ADGRF5: variants seen among roughly 807,000 people sequenced by gnomAD.
ADGRF5 encodes the protein adhesion G protein-coupled receptor F5.
In ADGRF5, 75 loss-of-function variants were observed where a neutral mutation model predicts 132.3. The ratio of observed to expected loss-of-function variants is 0.57; its 90% CI spans 0.47 to 0.69. The LOEUF (loss-of-function observed/expected upper bound fraction) is 0.69. Ranked by LOEUF, ADGRF5 falls within the 30% of genes least tolerant of loss-of-function variation. ADGRF5 has a pLI of 0.00. For missense variants in ADGRF5, 1,516 were observed against 1,630.6 expected (o/e 0.93, Z 1.21); for synonymous variants, 629 against 597.6 (o/e 1.05, Z -0.77).
At chr6:46,894,273 T>C (rs963978366) in intron 3 of ADGRF5, among the ~76,000 whole-genome samples, 11 of 152,248 alleles carry the variant, frequency 7.2e-5, no homozygotes, top group African/African-American at 2.7e-4. Context: ...GTGTGATTGC[T>C]CTGCAGATGC....
intron 1 of ADGRF5, among the ~76,000 whole-genome samples, chr6:46,910,287 T>C (rs1480507972): frequency 6.6e-6 from 1 of 152,196 alleles, no homozygotes; most frequent in African/African-American, 2.4e-5. Context: ...GGTTATTAAT[T>C]GGCTATTAAT....
chr6:46,941,406 G>GAAAAGAAAAGAAAAGAAAAGA (rs1561838614), intron 1 of ADGRF5, among the ~76,000 whole-genome samples: 2 of 28,126 alleles, frequency 7.1e-5, no homozygotes, highest in African/African-American at 3.4e-4. Context: ...GAAAAGAAAA[G>GAAAAGAAAAGAAAAGAAAAGA]AAAAGAAAAG....
chr6:46,929,921 A>AG (rs1321029367), intron 1 of ADGRF5, among the ~76,000 whole-genome samples: 1 of 152,136 alleles, frequency 6.6e-6, no homozygotes, highest in African/African-American at 2.4e-5. Flanking sequence ...CCCGGGATCA[A>AG]GCAATTCTCC....
intron 4 of ADGRF5, among the ~76,000 whole-genome samples, chr6:46,887,787 G>A (rs1342491180): frequency 1.3e-5 from 2 of 152,192 alleles, no homozygotes; most frequent in African/African-American, 4.8e-5. Context: ...TGGAGACATA[G>A]GGAAGTTAGC....
At chr6:46,902,698 G>A (rs527525426) in intron 2 of ADGRF5, among the ~76,000 whole-genome samples, 2 of 152,270 alleles carry the variant, frequency 1.3e-5, no homozygotes, top group South Asian at 2.1e-4. Flanking sequence ...TGCAAGTGCC[G>A]CTTCCACAGC....
chr6:46,941,466 G>A lies in ADGRF5; in HGVS notation c.-25+13268C>T, dbSNP rs369018013. Among the ~76,000 whole-genome samples the A allele has an allele frequency of 2.1e-4, 6 of 28,006 alleles. 1 individual carries two copies. The highest frequency in any genetic ancestry group is 6.2e-4 in the Admixed American group (2 of 3,226). 18.4% of individuals were successfully genotyped at this position (28,006 alleles called of 152,430 possible). On this transcript the variant is annotated intron_variant, in intron 1 of 20. Coordinates refer to the ADGRF5 transcript ENST00000265417. ...GAAAAGAAAAGAAAAGAAAAGAAAA[G>A]AAAGAAAAGAAAAGAAAAGAAAGAA...
Position 46,941,418 on chromosome 6 carries a change from AAAG to A in ADGRF5, c.-25+13313_-25+13315del, listed in dbSNP as rs1195137330. ...AAAGAAAAGAAAAGAAAAGAAAAGA[AAAG>A]AAAAGAAAAGAAAAGAAAAGAAAAG... On this transcript the variant is annotated intron_variant, in intron 1 of 20. Coordinates refer to the ADGRF5 transcript ENST00000265417. 2.0e-3 allele frequency among the ~76,000 whole-genome samples: 95 copies of A among 47,352 alleles called. No homozygotes were observed. The East Asian group carries it at 0.027, about 13-fold the overall frequency. 31.1% of individuals were successfully genotyped at this position (47,352 alleles called of 152,430 possible). A position where few individuals can be genotyped will look rare whatever the true frequency, so the allele number is the denominator to read the frequency against.
At chr6:46,932,392 T>A (rs1777592823) in intron 1 of ADGRF5, among the ~76,000 whole-genome samples, 1 of 152,202 alleles carries the variant, frequency 6.6e-6, no homozygotes. Context: ...GGACAGATTT[T>A]ACCTCTTATC....
intron 1 of ADGRF5, among the ~76,000 whole-genome samples, chr6:46,950,097 G>T (rs990850181): frequency 3.9e-5 from 6 of 152,164 alleles, no homozygotes; most frequent in African/African-American, 1.4e-4. Flanking sequence ...AGCTTTGAGC[G>T]GGAAGGGACC....
chr6:46,903,987 G>A (rs1248512096), intron 2 of ADGRF5, among the ~76,000 whole-genome samples: 2 of 152,274 alleles, frequency 1.3e-5, no homozygotes, highest in African/African-American at 2.4e-5. Flanking sequence ...AGTTTCCAAA[G>A]CTAATGAGAG....
At position 46,865,058 on chromosome 6, in the gene ADGRF5, C is replaced by A; in HGVS notation, c.1974G>T (p.Lys658Asn). 6.2e-7 allele frequency: 1 copy of A among 1,606,168 alleles called. No individual in the cohort carries two copies. Among genetic ancestry groups the A allele is most frequent in the Non-Finnish European group, 8.5e-7 (1 of 1,175,554 alleles). The change falls in exon 14 of 21, where the codon AAG becomes AAT. Residue 658 changes from lysine to asparagine, a missense_variant. Coordinates refer to ENST00000283296, the MANE Select transcript of ADGRF5 (RefSeq NM_001098518.2). ...CGTTCTTACCAGGAACCAGATTCAG[C>A]TTCATAGATGGGCTCCAGACTGAAT... ...ANNSVWSPSM[K>N]LNLVPGENIT...
chr6:46,854,374 A>C (rs1768797867), intron 20 of ADGRF5, among the ~76,000 whole-genome samples: 2 of 152,172 alleles, frequency 1.3e-5, no homozygotes. Context: ...ATGCCATCAC[A>C]TGCATGGTCT....
Position 46,856,918 on chromosome 6 carries a change from A to C in ADGRF5, c.3775-10T>G. 1 of 1,595,276 alleles carries C rather than the reference A, an allele frequency of 6.3e-7. No homozygotes were observed. The highest frequency in any genetic ancestry group is 2.2e-5 in the East Asian group (1 of 44,764). ...GTAAAATGAATAATCCCTGAGAAAA[A>C]AAAGATTGAAAAGAAGTGCATTTTA... On this transcript the variant is annotated splice_polypyrimidine_tract_variant and intron_variant, in intron 17 of 20. Coordinates refer to ENST00000283296, the MANE Select transcript of ADGRF5 (RefSeq NM_001098518.2).
intron 12 of ADGRF5, among the ~76,000 whole-genome samples, chr6:46,868,223 G>A (rs990348983): frequency 6.6e-6 from 1 of 152,210 alleles, no homozygotes; most frequent in Non-Finnish European, 1.5e-5. Context: ...CCACTTGCCA[G>A]ATGTATAACC....
chr6:46,924,446 A>C (rs1177122852), upstream of ADGRF5, among the ~76,000 whole-genome samples: 1 of 152,120 alleles, frequency 6.6e-6, no homozygotes, highest in Non-Finnish European at 1.5e-5. Context: ...TCTGCATTTC[A>C]TTTTCCATTG....
chr6:46,859,211 C>A lies in ADGRF5; in HGVS notation c.2692G>T (p.Val898Phe). The A allele has an allele frequency of 6.2e-7, 1 of 1,614,140 alleles. No individual in the cohort carries two copies. The highest frequency in any genetic ancestry group is 8.5e-7 in the Non-Finnish European group (1 of 1,179,996). The change falls in exon 17 of 21, where the codon GTC (valine) becomes TTC (phenylalanine). Residue 898 changes from valine (V) to phenylalanine (F), a missense_variant. Coordinates refer to ENST00000283296, the MANE Select transcript of ADGRF5 (RefSeq NM_001098518.2). The stretch of plus-strand genomic sequence containing the variant: ...TGGAGAGTTGGGAAAGCCATGGTGA[C>A]AATAGACGAATCCGACTGCAAGTTT... ...LENLQSDSSI[V>F]TMAFPTLQAI...
rs554248653 is a variant in ADGRF5, at chr6:46,876,777, G to A, written c.1240+1425C>T. On this transcript the variant is annotated intron_variant, in intron 10 of 20. Coordinates refer to ENST00000283296, the MANE Select transcript of ADGRF5 (RefSeq NM_001098518.2). ...CACCACCACACCTAGCTAATTTTTT[G>A]TATTTTTAGTAGAGATGGGGTTTCA... Among the ~76,000 whole-genome samples the A allele has an allele frequency of 2.6e-5, 4 of 152,182 alleles. No homozygotes were observed. In the East Asian group the frequency reaches 5.8e-4, roughly 22 times the overall value.
chr6:46,889,568 G>GTGTGTATA (rs1263241979), intron 3 of ADGRF5, among the ~76,000 whole-genome samples: 4 of 77,784 alleles, frequency 5.1e-5, no homozygotes, highest in Admixed American at 1.3e-4. Flanking sequence ...GTGTGTGTGT[G>GTGTGTATA]TATATATATA....
chr6:46,953,646 T>C lies in ADGRF5; in HGVS notation c.-25+1088A>G, dbSNP rs1778584989. On this transcript the variant is annotated intron_variant, in intron 1 of 20. Coordinates refer to the ADGRF5 transcript ENST00000265417. ...AAAAAAAATTATATATATATAGATA[T>C]ATGTGTATATATATATATATATATA... is the stretch of plus-strand genomic sequence containing the variant. Among the ~76,000 whole-genome samples, 2 of 22,252 alleles carry C rather than the reference T, an allele frequency of 9.0e-5. 1 individual carries two copies. Among genetic ancestry groups the C allele is most frequent in the Non-Finnish European group, 1.7e-4 (2 of 11,744 alleles). The allele number at this position is 22,252 out of a possible 152,430, so 14.6% of individuals were successfully genotyped here. A position where few individuals can be genotyped will look rare whatever the true frequency, so the allele number is the denominator to read the frequency against.
Sources: gnomAD v4.1 joint callset for allele counts (sites outside exome capture counted in the v4.1 genomes callset) on GRCh38, gnomAD v4.1.1 for gene constraint, MANE v1.5 for transcripts, NCBI Gene and HGNC (gene_info 2026-07-23, HGNC 2026-07-21) for gene names.